SNX13: variants seen among roughly 807,000 people sequenced by gnomAD.
SNX13 encodes sorting nexin-13.
In SNX13, 45 loss-of-function variants were observed where a neutral mutation model predicts 133.6. That is an observed-to-expected ratio of 0.34 (90% CI 0.27 to 0.43). SNX13 has a LOEUF of 0.43. Among genes scored for constraint, SNX13 ranks in the 20% least tolerant of loss-of-function variants. The pLI is 1.00. For synonymous variants in SNX13, 414 were observed against 373.9 expected (o/e 1.11, Z -1.24); for missense variants, 1,032 against 1,145.1 (o/e 0.90, Z 1.43).
intron 25 of SNX13, chr7:17,795,464 GA>G (rs1783942726): frequency 6.6e-6 from 1 of 151,726 alleles, no homozygotes. Flanking sequence ...ACTTCCTTCA[GA>G]TCTTCACACC....
At chr7:17,933,102 C>T (rs554168403) in intron 1 of SNX13, among the ~76,000 whole-genome samples, 7 of 152,308 alleles carry the variant, frequency 4.6e-5, no homozygotes, top group Non-Finnish European at 8.8e-5. Context: ...GCCTTATAAA[C>T]ATTATCCTTA....
intron 11 of SNX13, among the ~76,000 whole-genome samples, chr7:17,847,444 G>A: frequency 6.6e-6 from 1 of 152,094 alleles, no homozygotes; most frequent in East Asian, 1.9e-4. Context: ...TGATTCTCCT[G>A]CCTCAGTCTC....
intron 11 of SNX13, 46 bp downstream of exon 11, chr7:17,850,296 CTATAG>C (rs1431755712): frequency 7.8e-6 from 10 of 1,274,502 alleles, no homozygotes; most frequent in Non-Finnish European, 1.1e-5. Context: ...TTTTTAATCC[CTATAG>C]TATAGTATTT....
intron 9 of SNX13, among the ~76,000 whole-genome samples, chr7:17,861,392 C>T (rs973469999): frequency 2.7e-5 from 4 of 149,814 alleles, no homozygotes; most frequent in Admixed American, 6.7e-5. Context: ...AGTGTGATAA[C>T]TGCAAAAATA....
Position 17,798,605 on chromosome 7 carries a change from G to A in SNX13, c.2513+85C>T, listed in dbSNP as rs944770650. The A allele has an allele frequency of 3.9e-6, 4 of 1,032,882 alleles. No homozygotes were observed. In the African/African-American group the frequency reaches 6.7e-5, roughly 17 times the overall value. The allele number at this position is 1,032,882 out of a possible 1,614,324, so 64.0% of individuals were successfully genotyped here. A position where few individuals can be genotyped will look rare whatever the true frequency, so the allele number is the denominator to read the frequency against. On this transcript the variant is annotated intron_variant, in intron 24 of 25. Transcript: ENST00000428135. ...CTAAACCAACTTTATGTCCAGGAAG[G>A]AAACAAAAGCAATGAAAGTTAATTA...
chr7:17,887,853 G>GGA (rs369988499), intron 5 of SNX13, among the ~76,000 whole-genome samples: 1 of 146,194 alleles, frequency 6.8e-6, no homozygotes. Context: ...CACTGGATAG[G>GGA]AAAAAAAAAA....
intron 5 of SNX13, chr7:17,882,135 A>G (rs1224394852): frequency 6.6e-6 from 1 of 152,206 alleles, no homozygotes. Flanking sequence ...ACAAGGAAAT[A>G]CAACTCATTA....
chr7:17,839,182 G>GATTATATATATTCTATAGAATTATAGTGT (rs1789556356), intron 13 of SNX13, among the ~76,000 whole-genome samples: 2 of 148,894 alleles, frequency 1.3e-5, no homozygotes, highest in Non-Finnish European at 3.0e-5. Flanking sequence ...AGACGCTATA[G>GATTATATATATTCTATAGAATTATAGTGT]ATTATATATA....
chr7:17,900,507 G>A (rs956463469), intron 1 of SNX13, among the ~76,000 whole-genome samples: 5 of 152,196 alleles, frequency 3.3e-5, no homozygotes, highest in Non-Finnish European at 5.9e-5. Flanking sequence ...ACTGCAGGTG[G>A]GCTAGCACCC....
intron 5 of SNX13, 114 bp from the exon 6 acceptor site, chr7:17,875,904 T>G: frequency 1.1e-6 from 1 of 890,414 alleles, no homozygotes; most frequent in South Asian, 2.2e-5. Context: ...TAAATTTAAA[T>G]TGAGATTTTC....
intron 18 of SNX13, among the ~76,000 whole-genome samples, chr7:17,819,111 G>A (rs1398756105): frequency 1.3e-5 from 2 of 152,048 alleles, no homozygotes; most frequent in South Asian, 4.1e-4. Context: ...AGCAGCTCAG[G>A]CCATTTCCAA....
At chr7:17,867,379 G>C (rs375694225) in intron 9 of SNX13, among the ~76,000 whole-genome samples, 2 of 152,280 alleles carry the variant, frequency 1.3e-5, no homozygotes. Context: ...GGCTGAGGCA[G>C]GCAGATCGCT....
At chr7:17,929,388 G>A (rs1801141172) in intron 1 of SNX13, among the ~76,000 whole-genome samples, 1 of 151,690 alleles carries the variant, frequency 6.6e-6, no homozygotes, top group South Asian at 2.1e-4. Flanking sequence ...GCATATAAAG[G>A]GACTGAAATT....
Position 17,834,311 on chromosome 7 carries a change from A to G in SNX13, c.1465-127T>C, listed in dbSNP as rs1583411910. 8 of 790,502 alleles carry G rather than the reference A, an allele frequency of 1.0e-5. No individual in the cohort carries two copies. In the East Asian group the frequency reaches 2.0e-4, roughly 20 times the overall value. 49.0% of individuals were successfully genotyped at this position (790,502 alleles called of 1,614,324 possible). On this transcript the variant is annotated intron_variant, in intron 14 of 25. Coordinates refer to ENST00000428135, the MANE Select transcript of SNX13 (RefSeq NM_015132.5). ...GTATCATAGTTACAAGCTGTCAGCAATAAGACTATTTCACAACTAATGATT... is the reference window on the plus strand; with the variant it reads ...GTATCATAGTTACAAGCTGTCAGCAGTAAGACTATTTCACAACTAATGATT...
intron 8 of SNX13, among the ~76,000 whole-genome samples, chr7:17,871,440 C>G (rs963899977): frequency 6.6e-6 from 1 of 152,182 alleles, no homozygotes; most frequent in Non-Finnish European, 1.5e-5. Context: ...TTAGGCTCCT[C>G]TGAATCCTCC....
At chr7:17,913,439 A>C (rs1055124102) in intron 1 of SNX13, among the ~76,000 whole-genome samples, 1 of 152,144 alleles carries the variant, frequency 6.6e-6, no homozygotes, top group Non-Finnish European at 1.5e-5. Flanking sequence ...AGGCTTCTCC[A>C]CCGCCTCCAC....
At position 17,793,003 on chromosome 7, in the gene SNX13, A is replaced by G. The variant is rs1287548536; in HGVS notation, c.*1042T>C. ...TATTATAGTTCTTTTTTCATCATTT[A>G]TTTTCATATATGTACACTGTCATAG... On this transcript the variant is annotated 3_prime_UTR_variant, in exon 26 of 26. Coordinates refer to ENST00000428135, the MANE Select transcript of SNX13 (RefSeq NM_015132.5). 1 of 152,130 alleles carries G rather than the reference A, an allele frequency of 6.6e-6. No homozygotes were observed. The highest frequency in any genetic ancestry group is 2.4e-5 in the African/African-American group (1 of 41,352). The allele number at this position is 152,130 out of a possible 1,614,324, so 9.4% of individuals were successfully genotyped here. A position where few individuals can be genotyped will look rare whatever the true frequency, so the allele number is the denominator to read the frequency against.
rs557240570 is a variant in SNX13, at chr7:17,884,487, A to G, written c.440+5876T>C. 2.4e-4 allele frequency among the ~76,000 whole-genome samples: 36 copies of G among 152,314 alleles called. 1 individual carries two copies. The highest frequency in any genetic ancestry group is 6.8e-3 in the Middle Eastern group (2 of 294). ...ATAAGAATTGTTTTTTCAACTATAGATAACAATTTTGTATAGGCAGCCACT... is the reference window on the plus strand; with the variant it reads ...ATAAGAATTGTTTTTTCAACTATAGGTAACAATTTTGTATAGGCAGCCACT... On this transcript the variant is annotated intron_variant, in intron 5 of 25. Transcript: ENST00000428135.
rs114737314 is a variant in SNX13, at chr7:17,798,032, C to T, written c.2513+658G>A. On this transcript the variant is annotated intron_variant, in intron 24 of 25. Transcript: ENST00000428135. ...CTTAGTGTTCAATACTGATAGTTCC[C>T]TTCTTGCTTCCTTTCCTTCCCTTCA... 5.3e-3 allele frequency among the ~76,000 whole-genome samples: 800 copies of T among 151,944 alleles called. 8 individuals carry two copies. Among genetic ancestry groups the T allele is most frequent in the African/African-American group, 0.018 (740 of 41,508 alleles).
Sources: allele counts gnomAD v4.1 joint callset (sites outside exome capture counted in the v4.1 genomes callset), GRCh38; gene constraint gnomAD v4.1.1; transcripts MANE v1.5; gene names NCBI Gene and HGNC (gene_info 2026-07-23, HGNC 2026-07-21).